The following ARHGAP15 variants were observed in gnomAD, a reference collection of about 807,000 sequenced individuals.
ARHGAP15 encodes the protein Rho GTPase activating protein 15, also known as rho GTPase-activating protein 15.
Under a neutral mutation model 63.7 loss-of-function variants are expected in ARHGAP15, and 51 were observed. The ratio of observed to expected loss-of-function variants is 0.80; its 90% confidence interval spans 0.64 to 1.01. The LOEUF is 1.01. Ranked by LOEUF, ARHGAP15 falls within the 50% of genes least tolerant of loss-of-function variation. ARHGAP15 has a pLI of 0.00. For synonymous variants in ARHGAP15, 191 were observed against 193.8 expected, an observed-to-expected ratio of 0.99 and a Z score of 0.12; for missense variants, 560 against 564.6, an observed-to-expected ratio of 0.99 and a Z score of 0.08.
intron 2 of ARHGAP15, among the ~76,000 whole-genome samples, chr2:143,176,578 T>G (rs1691017286): frequency 6.6e-6 from 1 of 152,172 alleles, no homozygotes; most frequent in South Asian, 2.1e-4. Context: ...TAAATAAGAC[T>G]AAGAATAATC....
chr2:143,556,372 T>C, intron 10 of ARHGAP15, 36 bp from the exon 11 acceptor site: 1 of 1,485,098 alleles, frequency 6.7e-7, no homozygotes. Flanking sequence ...TCAATTCCTA[T>C]ATGTGCTAAT....
At chr2:143,330,103 A>AC (rs1207216743) in intron 6 of ARHGAP15, among the ~76,000 whole-genome samples, 17 of 77,070 alleles carry the variant, frequency 2.2e-4, no homozygotes, top group African/African-American at 7.7e-4. Context: ...TCAAAAAAAA[A>AC]AAAAAAAAAA....
At chr2:143,444,665 T>C (rs1430673258) in intron 8 of ARHGAP15, among the ~76,000 whole-genome samples, 1 of 152,038 alleles carries the variant, frequency 6.6e-6, no homozygotes, top group Non-Finnish European at 1.5e-5. Context: ...ATAGGCCTAA[T>C]AACATGCTTG....
At chr2:143,320,019 T>C (rs1326936714) in intron 6 of ARHGAP15, among the ~76,000 whole-genome samples, 1 of 152,180 alleles carries the variant, frequency 6.6e-6, no homozygotes, top group East Asian at 1.9e-4. Flanking sequence ...CAGAAAGGTA[T>C]TGTAATAAAT....
At chr2:143,176,256 T>A (rs1166620720) in intron 2 of ARHGAP15, among the ~76,000 whole-genome samples, 3 of 152,200 alleles carry the variant, frequency 2.0e-5, no homozygotes, top group Non-Finnish European at 4.4e-5. Context: ...AGAAAACTTT[T>A]ATATTATTCA....
At chr2:143,581,566 A>G (rs1696907076) in intron 11 of ARHGAP15, among the ~76,000 whole-genome samples, 2 of 152,164 alleles carry the variant, frequency 1.3e-5, no homozygotes, top group South Asian at 4.1e-4. Flanking sequence ...AGTACTGTAT[A>G]ATCATTTACC....
At chr2:143,418,015 TCAAA>T (rs752147417) in intron 6 of ARHGAP15, among the ~76,000 whole-genome samples, 8 of 152,214 alleles carry the variant, frequency 5.3e-5, no homozygotes, top group Non-Finnish European at 1.2e-4. Context: ...AACAAGAAAC[TCAAA>T]CTAATAGGAA....
intron 11 of ARHGAP15, among the ~76,000 whole-genome samples, chr2:143,619,936 G>C (rs1234455674): frequency 6.6e-6 from 1 of 152,146 alleles, no homozygotes; most frequent in Non-Finnish European, 1.5e-5. Context: ...ACCAGGCCCA[G>C]GTAGTTCTTT....
chr2:143,262,436 T>A (rs1020111566), intron 6 of ARHGAP15, among the ~76,000 whole-genome samples: 6 of 152,100 alleles, frequency 3.9e-5, no homozygotes, highest in South Asian at 4.1e-4. Flanking sequence ...CCTTCACTCA[T>A]TCTAGATTTT....
At chr2:143,155,380 C>G in intron 1 of ARHGAP15, 97 bp from the exon 2 acceptor site, 1 of 1,168,570 alleles carries the variant, frequency 8.6e-7, no homozygotes, top group Middle Eastern at 2.2e-4. Context: ...TGTTTATCAA[C>G]TTTTAATATC....
chr2:143,505,112 T>A lies in ARHGAP15; in HGVS notation c.827-14154T>A, dbSNP rs899726816. ...GTCCCTGGGACTTAGCCAGAGTACATGTGCCATTTGCCATATCTCAGGAGT... is the reference window on the plus strand; with the variant it reads ...GTCCCTGGGACTTAGCCAGAGTACAAGTGCCATTTGCCATATCTCAGGAGT... On this transcript the variant is annotated intron_variant, in intron 9 of 13. Transcript: ENST00000295095. Among the ~76,000 whole-genome samples the A allele has an allele frequency of 2.6e-5, 4 of 152,324 alleles. No homozygotes were observed. In the East Asian group the frequency reaches 7.7e-4, roughly 29 times the overall value.
chr2:143,155,511 T>C lies in ARHGAP15; in HGVS notation c.21T>C (p.Ser7=). The change falls in exon 2 of 14, where the codon TCT becomes TCC. Residue 7 remains serine (S), a synonymous_variant. Transcript: ENST00000295095. Reference sequence around the variant, plus strand: ...ATAATATGCAGAAATCTACAAATTCTGATACTTCCGTGGAAACACTGAATT... The same window carrying C: ...ATAATATGCAGAAATCTACAAATTCCGATACTTCCGTGGAAACACTGAATT... MQKSTN[S]DTSVETLNST... 1 of 1,607,560 alleles carries C rather than the reference T, an allele frequency of 6.2e-7. No individual in the cohort carries two copies. Among genetic ancestry groups the C allele is most frequent in the South Asian group, 1.1e-5 (1 of 90,220 alleles).
At chr2:143,717,278 C>T (rs183619827) in intron 13 of ARHGAP15, among the ~76,000 whole-genome samples, 183 of 152,360 alleles carry the variant, frequency 1.2e-3, no homozygotes, top group African/African-American at 4.2e-3. Flanking sequence ...TGTTGTCTCT[C>T]GGTCTGTCAC....
At chr2:143,199,858 T>C (rs1049556005) in intron 2 of ARHGAP15, among the ~76,000 whole-genome samples, 1 of 151,880 alleles carries the variant, frequency 6.6e-6, no homozygotes, top group Non-Finnish European at 1.5e-5. Context: ...TTTCAGAATC[T>C]CTGGTGATAA....
At chr2:143,252,522 T>C (rs1680207263) in intron 6 of ARHGAP15, among the ~76,000 whole-genome samples, 1 of 152,078 alleles carries the variant, frequency 6.6e-6, no homozygotes, top group African/African-American at 2.4e-5. Context: ...CTCAGTCTTC[T>C]TACAGACGCT....
At chr2:143,230,577 C>T (rs1357232129) in intron 5 of ARHGAP15, among the ~76,000 whole-genome samples, 5 of 152,146 alleles carry the variant, frequency 3.3e-5, no homozygotes, top group Non-Finnish European at 5.9e-5. Context: ...TCATTGTCTT[C>T]AAAGTCAATT....
intron 12 of ARHGAP15, among the ~76,000 whole-genome samples, chr2:143,673,692 A>G (rs72859642): frequency 0.014 from 1,920 of 141,270 alleles, 23 homozygotes; most frequent in Non-Finnish European, 0.023. Flanking sequence ...GAAAATGTTC[A>G]TAGCACAAAT....
chr2:143,568,531 G>T (rs1696326981), intron 11 of ARHGAP15, among the ~76,000 whole-genome samples: 1 of 152,232 alleles, frequency 6.6e-6, no homozygotes, highest in South Asian at 2.1e-4. Flanking sequence ...TGGAGAGGAT[G>T]TGGAGAAATA....
At chr2:143,636,050 CAGTT>C (rs1394155192) in intron 12 of ARHGAP15, among the ~76,000 whole-genome samples, 3 of 152,222 alleles carry the variant, frequency 2.0e-5, no homozygotes, top group South Asian at 4.1e-4. Flanking sequence ...TCTAGCCAGA[CAGTT>C]AGTTCTTGGC....
Sources: allele counts gnomAD v4.1 joint callset (sites outside exome capture counted in the v4.1 genomes callset), GRCh38; gene constraint gnomAD v4.1.1; transcripts MANE v1.5; gene names NCBI Gene and HGNC (gene_info 2026-07-23, HGNC 2026-07-21).